The following MARCHF10 variants were observed in gnomAD, a reference collection of about 807,000 sequenced individuals.
The protein encoded by MARCHF10 is probable E3 ubiquitin-protein ligase MARCHF10.
Under a neutral mutation model 76.2 loss-of-function variants are expected in MARCHF10, and 64 were observed. That is an observed-to-expected ratio of 0.84 (90% CI 0.69 to 1.03). The LOEUF (loss-of-function observed/expected upper bound fraction) is 1.03, where lower values mean the gene tolerates loss of function less well. Ranked by LOEUF, MARCHF10 falls within the 50% of genes least tolerant of loss-of-function variation. The probability of loss-of-function intolerance (pLI) is 0.00; values close to 1 mark genes in which losing one functional copy is unlikely to be tolerated. For synonymous variants in MARCHF10, 340 were observed against 357.5 expected (o/e 0.95, Z 0.55); for missense variants, 875 against 958.0 (o/e 0.91, Z 1.14).
At chr17:62,799,569 G>C (rs1460163493) in intron 2 of MARCHF10, among the ~76,000 whole-genome samples, 1 of 152,116 alleles carries the variant, frequency 6.6e-6, no homozygotes, top group Non-Finnish European at 1.5e-5. Flanking sequence ...CCAACATGGA[G>C]AAACCCCGTC....
At chr17:62,792,547 GCAC>G (rs1046052376) in intron 2 of MARCHF10, among the ~76,000 whole-genome samples, 15 of 112,500 alleles carry the variant, frequency 1.3e-4, no homozygotes, top group Middle Eastern at 5.8e-3. Context: ...ACCACCACCT[GCAC>G]CACCACCACC....
At chr17:62,701,890 C>T in intron 10 of MARCHF10, 132 bp from the exon 11 acceptor site, 1 of 1,185,916 alleles carries the variant, frequency 8.4e-7, no homozygotes, top group Non-Finnish European at 1.2e-6. Context: ...GGCCACAGTG[C>T]CTGGAACCGT....
rs1199914524 is a variant in MARCHF10 at position 62,701,335 on chromosome 17, C to T, written c.*368G>A. On this transcript the variant is annotated 3_prime_UTR_variant, in exon 11 of 11. Transcript: ENST00000311269. ...AAGCTGGGAGAATAATGTCAGTTTA[C>T]TGAATGAATACATGGCTCGAGTCCA... 1 of 268,332 alleles carries T rather than the reference C, an allele frequency of 3.7e-6. No homozygotes were observed. Among genetic ancestry groups the T allele is most frequent in the East Asian group, 7.8e-5 (1 of 12,782 alleles). The allele number at this position is 268,332 out of a possible 1,614,324, so 16.6% of individuals were successfully genotyped here.
At chr17:62,705,787 C>T (rs1599025744) in intron 9 of MARCHF10, among the ~76,000 whole-genome samples, 1 of 152,248 alleles carries the variant, frequency 6.6e-6, no homozygotes, top group East Asian at 1.9e-4. Context: ...CAGCCATAAC[C>T]TGGGTCACCT....
chr17:62,724,579 G>T (rs1051934998), intron 7 of MARCHF10, among the ~76,000 whole-genome samples: 1 of 152,078 alleles, frequency 6.6e-6, no homozygotes, highest in Admixed American at 6.6e-5. Flanking sequence ...CTGTGTGTCT[G>T]CTGAGCTTCC....
chr17:62,794,287 T>C (rs1265812867), intron 2 of MARCHF10, among the ~76,000 whole-genome samples: 1 of 151,862 alleles, frequency 6.6e-6, no homozygotes, highest in Non-Finnish European at 1.5e-5. Flanking sequence ...CACTGCTGCC[T>C]CCACCACCAC....
intron 2 of MARCHF10, among the ~76,000 whole-genome samples, chr17:62,796,643 T>G (rs74534608): frequency 1.3e-5 from 2 of 152,278 alleles, no homozygotes; most frequent in Non-Finnish European, 2.9e-5. Flanking sequence ...AGAGGGAGAC[T>G]CAGCCCCTGC....
At chr17:62,759,571 C>T (rs578171835) in intron 4 of MARCHF10, among the ~76,000 whole-genome samples, 1 of 152,206 alleles carries the variant, frequency 6.6e-6, no homozygotes, top group South Asian at 2.1e-4. Context: ...CTCCACCTCC[C>T]GGGTTCAAGC....
At chr17:62,776,061 G>T (rs2092549424) in intron 3 of MARCHF10, among the ~76,000 whole-genome samples, 1 of 152,274 alleles carries the variant, frequency 6.6e-6, no homozygotes, top group Middle Eastern at 3.4e-3. Context: ...GACTCCCAAA[G>T]TGTGGGATTA....
At chr17:62,763,116 T>C (rs1432801778) in intron 3 of MARCHF10, among the ~76,000 whole-genome samples, 2 of 152,232 alleles carry the variant, frequency 1.3e-5, no homozygotes, top group African/African-American at 2.4e-5. Context: ...GCATAGCACT[T>C]AGAACAGCAC....
At chr17:62,769,522 T>C (rs1381564531) in intron 3 of MARCHF10, among the ~76,000 whole-genome samples, 2 of 152,192 alleles carry the variant, frequency 1.3e-5, no homozygotes, top group Admixed American at 1.3e-4. Context: ...GGTTCAATTC[T>C]TGTGCCTCAA....
intron 10 of MARCHF10, chr17:62,704,890 CT>C: frequency 1.0e-6 from 1 of 976,568 alleles, no homozygotes; most frequent in Non-Finnish European, 1.2e-6. Context: ...TGATGAAGTT[CT>C]TCCCGAGTCT....
At chr17:62,706,991 A>G (rs1224386640) in intron 9 of MARCHF10, among the ~76,000 whole-genome samples, 10 of 152,190 alleles carry the variant, frequency 6.6e-5, no homozygotes, top group Non-Finnish European at 1.2e-4. Context: ...AGGAAAGGCC[A>G]GCTTCCTGCC....
intron 1 of MARCHF10, 144 bp downstream of exon 1, chr17:62,807,933 G>A (rs1485791998): frequency 6.6e-6 from 1 of 152,306 alleles, no homozygotes; most frequent in East Asian, 1.9e-4. Flanking sequence ...AAATGCTGGG[G>A]CTGGGGTCAG....
At chr17:62,805,423 C>G (rs1012432718) in intron 1 of MARCHF10, among the ~76,000 whole-genome samples, 1 of 152,096 alleles carries the variant, frequency 6.6e-6, no homozygotes, top group Non-Finnish European at 1.5e-5. Context: ...TTAATGGTCA[C>G]TAAAGGGGAG....
In MARCHF10 at chr17:62,801,681, G is replaced by A. The variant is rs112642238; in HGVS notation, c.55C>T (p.Arg19Trp). 12 of 1,614,076 alleles carry A rather than the reference G, an allele frequency of 7.4e-6. No individual in the cohort carries two copies. In the African/African-American group the frequency reaches 9.3e-5, roughly 13 times the overall value. ...QKFFSDVQYLRDMQHKVDSEY... is the reference protein window; with the variant it reads ...QKFFSDVQYLWDMQHKVDSEY... ...GAGTCCACCTTATGCTGCATGTCCCGCAGATACTGAACATCGCTGAAGAAC... is the reference window on the plus strand; with the variant it reads ...GAGTCCACCTTATGCTGCATGTCCCACAGATACTGAACATCGCTGAAGAAC... The change falls in exon 2 of 11, where the codon CGG becomes TGG. Residue 19 changes from arginine to tryptophan, a missense_variant. Transcript: ENST00000311269.
At chr17:62,760,784 G>C (rs1442497313) in intron 3 of MARCHF10, among the ~76,000 whole-genome samples, 1 of 152,202 alleles carries the variant, frequency 6.6e-6, no homozygotes, top group African/African-American at 2.4e-5. Flanking sequence ...TGACTTGCTA[G>C]GCTATCCATT....
chr17:62,778,682 CAAAA>C (rs71357038), intron 3 of MARCHF10, among the ~76,000 whole-genome samples: 5 of 100,820 alleles, frequency 5.0e-5, no homozygotes, highest in Non-Finnish European at 8.2e-5. Context: ...GACTCTGTCT[CAAAA>C]AAAAAAAAAA....
intron 9 of MARCHF10, among the ~76,000 whole-genome samples, chr17:62,708,269 A>G (rs982812958): frequency 6.8e-6 from 1 of 147,376 alleles, no homozygotes; most frequent in Non-Finnish European, 1.5e-5. Flanking sequence ...TTTTTGAGAC[A>G]GAGTCTTGCT....
Sources: gnomAD v4.1 joint callset for allele counts (sites outside exome capture counted in the v4.1 genomes callset) on GRCh38, gnomAD v4.1.1 for gene constraint, MANE v1.5 for transcripts, NCBI Gene and HGNC (gene_info 2026-07-23, HGNC 2026-07-21) for gene names.